VCAN: variants seen among roughly 807,000 people sequenced by gnomAD.
VCAN encodes versican core protein.
In VCAN, 44 loss-of-function variants were observed where a neutral mutation model predicts 245.5. The ratio of observed to expected loss-of-function variants is 0.18; its 90% CI spans 0.14 to 0.23. The LOEUF is 0.23. VCAN is among the 10% of genes least tolerant of loss of function. The pLI is 1.00. For missense variants in VCAN, 3,793 were observed against 4,057.9 expected, an observed-to-expected ratio of 0.93 and a Z score of 1.77; for synonymous variants, 1,413 against 1,437.0, an observed-to-expected ratio of 0.98 and a Z score of 0.38.
intron 6 of VCAN, among the ~76,000 whole-genome samples, chr5:83,517,995 A>G (rs1021624352): frequency 5.9e-5 from 9 of 152,150 alleles, no homozygotes; most frequent in Non-Finnish European, 1.0e-4. Flanking sequence ...GAGCAAATGG[A>G]GCTAAAAGGT....
chr5:83,509,088 AGAAAGAAG>A (rs977040214), intron 5 of VCAN, among the ~76,000 whole-genome samples: 1 of 145,470 alleles, frequency 6.9e-6, no homozygotes, highest in Admixed American at 6.9e-5. Flanking sequence ...AGAAAGAGAA[AGAAAGAAG>A]GAAGGAAGGA....
chr5:83,486,979 G>A (rs1470922915), intron 2 of VCAN, among the ~76,000 whole-genome samples: 5 of 152,086 alleles, frequency 3.3e-5, no homozygotes, highest in South Asian at 2.1e-4. Flanking sequence ...TGAGGTCAAC[G>A]ACTAACATAA....
At chr5:83,512,432 TA>T in intron 6 of VCAN, 36 bp downstream of exon 6, 9 of 1,605,118 alleles carry the variant, frequency 5.6e-6, no homozygotes, top group Non-Finnish European at 7.7e-6. Context: ...ATTACAGTTT[TA>T]AAAAAAATGC....
chr5:83,529,099 T>C (rs1746420315), intron 7 of VCAN, among the ~76,000 whole-genome samples: 3 of 151,696 alleles, frequency 2.0e-5, no homozygotes, highest in South Asian at 2.1e-4. Context: ...GTCAAATAAT[T>C]ACAATATACT....
rs543333818 is a variant in VCAN, at chr5:83,556,269, C to G, written c.9735+1231C>G. Among the ~76,000 whole-genome samples, 5 of 152,340 alleles carry G rather than the reference C, an allele frequency of 3.3e-5. No individual in the cohort carries two copies. The East Asian group carries it at 9.6e-4, about 29-fold the overall frequency. The stretch of plus-strand genomic sequence containing the variant: ...GAGCTATTTGCCTGGAATCACAAAG[C>G]TGTTAACTGATGAAGCCAGAATTTG... On this transcript the variant is annotated intron_variant, in intron 12 of 14. Coordinates refer to ENST00000265077, the MANE Select transcript of VCAN (RefSeq NM_004385.5).
intron 13 of VCAN, among the ~76,000 whole-genome samples, chr5:83,576,324 T>C (rs563325661): frequency 6.6e-6 from 1 of 152,296 alleles, no homozygotes; most frequent in Non-Finnish European, 1.5e-5. Context: ...TCATACTGTA[T>C]ATATTCTGTG....
chr5:83,579,964 A>G lies in VCAN; in HGVS notation c.9881-16A>G, dbSNP rs556652621. The G allele has an allele frequency of 3.1e-6, 5 of 1,613,816 alleles. No individual in the cohort carries two copies. The highest frequency in any genetic ancestry group is 1.7e-5 in the Admixed American group (1 of 60,002). ...ACTTAGATTATTTGGAAATAACCCAATTTGCTTTCCTTTAGTCGCTTGCGG... is the reference window on the plus strand; with the variant it reads ...ACTTAGATTATTTGGAAATAACCCAGTTTGCTTTCCTTTAGTCGCTTGCGG... On this transcript the variant is annotated splice_polypyrimidine_tract_variant and intron_variant, in intron 13 of 14. Transcript: ENST00000265077.
chr5:83,564,468 G>A (rs776757667), intron 12 of VCAN, among the ~76,000 whole-genome samples: 7 of 152,156 alleles, frequency 4.6e-5, no homozygotes, highest in Non-Finnish European at 1.0e-4. Flanking sequence ...GATCCTGAAA[G>A]TTAAATGTGA....
chr5:83,479,438 C>A (rs373588041), intron 1 of VCAN, among the ~76,000 whole-genome samples: 2 of 152,164 alleles, frequency 1.3e-5, no homozygotes, highest in Admixed American at 6.5e-5. Flanking sequence ...TTTATGTCTC[C>A]CAGGCAATTA....
intron 12 of VCAN, among the ~76,000 whole-genome samples, chr5:83,565,756 A>G (rs1217627543): frequency 6.6e-6 from 1 of 152,114 alleles, no homozygotes; most frequent in Non-Finnish European, 1.5e-5. Context: ...TCTTTTGCTC[A>G]TAGATGAATT....
rs770152854 is a variant in VCAN, at chr5:83,522,086, C to T, written c.3780C>T (p.Pro1260=). 1 of 1,614,182 alleles carries T rather than the reference C, an allele frequency of 6.2e-7. No homozygotes were observed. The highest frequency in any genetic ancestry group is 1.1e-5 in the South Asian group (1 of 91,084). The change falls in exon 7 of 15, where the codon CCC becomes CCT. Residue 1260 remains proline, a synonymous_variant. Coordinates refer to ENST00000265077, the MANE Select transcript of VCAN (RefSeq NM_004385.5). ...GAGAATCAACATCTCATGTTCCTCC[C>T]ACTACCCTTGAAGATATTGTAGCCA... ...IIGESTSHVP[P]TTLEDIVAKE... is the part of the protein sequence containing the mutation.
rs1561258446 is a variant in VCAN, at chr5:83,541,062, C to G, written c.8059C>G (p.Leu2687Val). The G allele has an allele frequency of 3.1e-6, 5 of 1,613,954 alleles. No individual in the cohort carries two copies. Among genetic ancestry groups the G allele is most frequent in the Non-Finnish European group, 4.2e-6 (5 of 1,179,992 alleles). ...CACAGAAACAGAATTAGACGTTTTA[C>G]TTCCCACGGCAACATCCCTGCCAAT... ...PSTETELDVL[L>V]PTATSLPIPR... The change falls in exon 8 of 15, where the codon CTT (leucine) becomes GTT (valine). Residue 2687 changes from leucine to valine, a missense_variant. This residue lies in a region of VCAN where 3,182 missense variants were observed against 3,250.3 expected (regional missense o/e 0.98). Coordinates refer to ENST00000265077, the MANE Select transcript of VCAN (RefSeq NM_004385.5).
intron 6 of VCAN, among the ~76,000 whole-genome samples, chr5:83,513,179 A>G (rs1745721878): frequency 1.3e-5 from 2 of 152,170 alleles, no homozygotes; most frequent in African/African-American, 4.8e-5. Context: ...CAAGCAAGTA[A>G]TCTAGCATCT....
At chr5:83,493,195 C>T (rs1745037460) in intron 3 of VCAN, among the ~76,000 whole-genome samples, 1 of 152,194 alleles carries the variant, frequency 6.6e-6, no homozygotes, top group South Asian at 2.1e-4. Flanking sequence ...GTCTTTGTAT[C>T]TTCTGCAGAA....
chr5:83,556,187 GC>G (rs2112474425), intron 12 of VCAN, among the ~76,000 whole-genome samples: 1 of 152,196 alleles, frequency 6.6e-6, no homozygotes, highest in Non-Finnish European at 1.5e-5. Flanking sequence ...TTTAAGAGAG[GC>G]AATGGGTTTT....
At position 83,542,231 on chromosome 5, in the gene VCAN, T is replaced by G. The variant is rs2112451562; in HGVS notation, c.9228T>G (p.Asn3076Lys). The change falls in exon 8 of 15, where the codon AAT (asparagine) becomes AAG (lysine). Residue 3076 changes from asparagine (N) to lysine (K), a missense_variant. Around this residue, in one of 5 missense-constraint regions of VCAN, gnomAD observed 3,182 missense variants for 3,250.3 expected, o/e 0.98. Transcript: ENST00000265077. Reference protein sequence around the residue: ...SNETDFLIGINEESVEGTAIY... With the variant: ...SNETDFLIGIKEESVEGTAIY... ...AAACAGATTTCCTGATTGGCATTAA[T>G]GAAGAGTCAGTGGAAGGCACGGCAA... is the stretch of plus-strand genomic sequence containing the variant. The G allele has an allele frequency of 6.2e-7, 1 of 1,613,906 alleles. No individual in the cohort carries two copies. Among genetic ancestry groups the G allele is most frequent in the Admixed American group, 1.7e-5 (1 of 60,004 alleles).
rs1450755250 is a variant in VCAN at position 83,572,443 on chromosome 5, C to A, written c.9763C>A (p.Pro3255Thr). The change falls in exon 13 of 15, where the codon CCA (proline) becomes ACA (threonine). Residue 3255 changes from proline to threonine, a missense_variant. By Grantham distance (38) the Pro-to-Thr change is conservative. This residue lies in a region of VCAN where 205 missense variants were observed against 321.1 expected (regional missense o/e 0.64). Coordinates refer to ENST00000265077, the MANE Select transcript of VCAN (RefSeq NM_004385.5). Reference sequence around the variant, plus strand: ...ATACGAGAATTGGAGACCCAACCAGCCAGACAGCTTCTTTTCTGCTGGAGA... The same window carrying A: ...ATACGAGAATTGGAGACCCAACCAGACAGACAGCTTCTTTTCTGCTGGAGA... ...LQYENWRPNQ[P>T]DSFFSAGEDC... 6.2e-7 allele frequency: 1 copy of A among 1,613,810 alleles called. No individual in the cohort carries two copies.
rs1369971155 is a variant in VCAN at position 83,581,751 on chromosome 5, TCTCTTCCCA to T, written c.*1322_*1330del. On this transcript the variant is annotated 3_prime_UTR_variant, in exon 15 of 15. Transcript: ENST00000265077. ...GTGTATGTGTTGACATTTCTCCCCA[TCTCTTCCCA>T]CTCTGTTTTCTCCCCATTATTTGAA... 6.6e-6 allele frequency: 1 copy of T among 152,162 alleles called. No homozygotes were observed. 9.4% of individuals were successfully genotyped at this position (152,162 alleles called of 1,614,324 possible). A position where few individuals can be genotyped will look rare whatever the true frequency, so the allele number is the denominator to read the frequency against.
chr5:83,548,210 G>A (rs1441086993), intron 10 of VCAN, 126 bp downstream of exon 10: 7 of 752,662 alleles, frequency 9.3e-6, no homozygotes, highest in Non-Finnish European at 1.6e-5. Context: ...TTCAGGGATA[G>A]CTCAAAACAT....
Sources: gnomAD v4.1 joint callset for allele counts (sites outside exome capture counted in the v4.1 genomes callset) on GRCh38, gnomAD v4.1.1 for gene constraint, gnomAD v4.1.1 regional missense constraint, MANE v1.5 for transcripts, NCBI Gene and HGNC (gene_info 2026-07-23, HGNC 2026-07-21) for gene names.